SSH2: variants seen among roughly 807,000 people sequenced by gnomAD.
SSH2 encodes the protein protein phosphatase Slingshot homolog 2.
SSH2 carries 37 observed loss-of-function variants against 135.2 expected under a neutral mutation model. The ratio of observed to expected loss-of-function variants is 0.27; its 90% CI spans 0.21 to 0.36. The LOEUF is 0.36. Among genes scored for constraint, SSH2 ranks in the 10% least tolerant of loss-of-function variants. The pLI, the probability that SSH2 is intolerant of heterozygous loss-of-function variation, is 1.00. For missense variants in SSH2, 1,408 were observed against 1,765.3 expected, an observed-to-expected ratio of 0.80 and a Z score of 3.63; for synonymous variants, 628 against 646.2, an observed-to-expected ratio of 0.97 and a Z score of 0.43.
chr17:29,913,969 A>C (rs932678825), intron 1 of SSH2, among the ~76,000 whole-genome samples: 4 of 152,124 alleles, frequency 2.6e-5, no homozygotes, highest in African/African-American at 7.2e-5. Context: ...GTGGCAAGGC[A>C]ATATAAAACC....
At chr17:29,729,955 A>G (rs555645865) in intron 3 of SSH2, among the ~76,000 whole-genome samples, 1 of 152,302 alleles carries the variant, frequency 6.6e-6, no homozygotes, top group East Asian at 1.9e-4. Flanking sequence ...GACAGAATAA[A>G]TAAGATATAG....
At chr17:29,777,823 T>G (rs1209013582) in intron 3 of SSH2, 1 of 148,546 alleles carries the variant, frequency 6.7e-6, no homozygotes, top group African/African-American at 2.5e-5. Context: ...AAACCTGATC[T>G]GGACGGTCTT....
chr17:29,686,265 A>T (rs995241433), intron 5 of SSH2, among the ~76,000 whole-genome samples: 3 of 152,184 alleles, frequency 2.0e-5, no homozygotes, highest in Non-Finnish European at 2.9e-5. Context: ...AGTGCTGAGG[A>T]TTCAGTGGTA....
intron 1 of SSH2, among the ~76,000 whole-genome samples, chr17:29,860,038 G>C (rs1247794072): frequency 1.3e-5 from 2 of 152,032 alleles, no homozygotes; most frequent in Non-Finnish European, 2.9e-5. Flanking sequence ...AGTAGAGATA[G>C]GGTTTCACCA....
At chr17:29,692,151 T>A (rs1380175426) in intron 5 of SSH2, among the ~76,000 whole-genome samples, 13 of 117,272 alleles carry the variant, frequency 1.1e-4, no homozygotes, top group East Asian at 2.8e-4. Context: ...AAAAAATAAA[T>A]AAATAAATAA....
intron 2 of SSH2, among the ~76,000 whole-genome samples, chr17:29,845,244 TC>T (rs1404873431): frequency 6.6e-6 from 1 of 152,160 alleles, no homozygotes. Context: ...CCATACCACT[TC>T]CTTTGCAGAA....
At position 29,636,020 on chromosome 17, in the gene SSH2, C is replaced by A; in HGVS notation, c.2210G>T (p.Ser737Ile). Residue 737 changes from serine (S) to isoleucine (I), a missense_variant, in exon 15 of 16, where the codon AGT (serine) becomes ATT (isoleucine). By Grantham distance (142) the Ser-to-Ile change is moderately radical. This residue lies in a region of SSH2 where 1,080 missense variants were observed against 1,144.5 expected (regional missense o/e 0.94). Transcript: ENST00000540801. ...TADDQRSSSL[S>I]NTPHASEESS... Reference sequence around the variant, plus strand: ...TTCTTCTGATGCATGGGGAGTATTACTCAAAGAGCTGCTTCTCTGGTCATC... The same window carrying A: ...TTCTTCTGATGCATGGGGAGTATTAATCAAAGAGCTGCTTCTCTGGTCATC... 6.2e-7 allele frequency: 1 copy of A among 1,614,178 alleles called. No homozygotes were observed. The highest frequency in any genetic ancestry group is 8.5e-7 in the Non-Finnish European group (1 of 1,180,032).
chr17:29,928,857 T>C (rs1490482596), intron 1 of SSH2, among the ~76,000 whole-genome samples: 1 of 152,148 alleles, frequency 6.6e-6, no homozygotes, highest in African/African-American at 2.4e-5. Flanking sequence ...AAATACCTTT[T>C]TTTGCAACCT....
chr17:29,738,696 G>A (rs999187874), intron 3 of SSH2, among the ~76,000 whole-genome samples: 2 of 151,980 alleles, frequency 1.3e-5, no homozygotes, highest in African/African-American at 4.8e-5. Flanking sequence ...TGGGACTACA[G>A]GTGCCCGCCA....
At chr17:29,723,524 G>A (rs1397577771) in intron 3 of SSH2, among the ~76,000 whole-genome samples, 1 of 152,138 alleles carries the variant, frequency 6.6e-6, no homozygotes, top group East Asian at 1.9e-4. Flanking sequence ...TGGAAGATAA[G>A]AAAGTATGGA....
intron 11 of SSH2, among the ~76,000 whole-genome samples, chr17:29,657,500 C>T (rs973011575): frequency 6.6e-6 from 1 of 150,542 alleles, no homozygotes; most frequent in African/African-American, 2.4e-5. Context: ...AACTCCTGAC[C>T]TCAGGTGATC....
chr17:29,682,428 T>C (rs1487861716), intron 6 of SSH2, among the ~76,000 whole-genome samples: 1 of 152,232 alleles, frequency 6.6e-6, no homozygotes, highest in Non-Finnish European at 1.5e-5. Context: ...GGTTACTGAA[T>C]ACTTGAAATG....
chr17:29,649,669 C>G (rs2150998863), intron 13 of SSH2, among the ~76,000 whole-genome samples: 1 of 152,282 alleles, frequency 6.6e-6, no homozygotes, highest in African/African-American at 2.4e-5. Flanking sequence ...CTATCTTCAC[C>G]ACTTATTTGA....
rs143831941 is a variant in SSH2 at position 29,634,882 on chromosome 17, G to C, written c.2262+1086C>G. ...TTGATTCTTGAGTACCACAGCATTG[G>C]AGATGAAGAAGTCAGGTACATTATT... On this transcript the variant is annotated intron_variant, in intron 15 of 15. Coordinates refer to ENST00000540801, the MANE Select transcript of SSH2 (RefSeq NM_001282129.2). Among the ~76,000 whole-genome samples, 233 of 151,824 alleles carry C rather than the reference G, an allele frequency of 1.5e-3. 1 individual carries two copies. Among genetic ancestry groups the C allele is most frequent in the African/African-American group, 5.4e-3 (223 of 41,372 alleles).
chr17:29,874,164 G>A (rs1332562966), intron 1 of SSH2, among the ~76,000 whole-genome samples: 2 of 151,796 alleles, frequency 1.3e-5, no homozygotes, highest in Admixed American at 6.6e-5. Context: ...ATGGTGGTGC[G>A]TGCCTGCAGT....
At chr17:29,833,966 C>T (rs528911551) in intron 2 of SSH2, among the ~76,000 whole-genome samples, 4 of 144,376 alleles carry the variant, frequency 2.8e-5, no homozygotes, top group African/African-American at 1.0e-4. Flanking sequence ...CCTACCCTCC[C>T]TTTTTTGAAA....
chr17:29,762,089 C>T (rs1387912776), intron 3 of SSH2, among the ~76,000 whole-genome samples: 1 of 151,992 alleles, frequency 6.6e-6, no homozygotes, highest in Non-Finnish European at 1.5e-5. Flanking sequence ...ATGTGTTGGC[C>T]AGGCTGGTCT....
chr17:29,891,168 C>G (rs566216634), intron 1 of SSH2, among the ~76,000 whole-genome samples: 7 of 152,302 alleles, frequency 4.6e-5, no homozygotes, highest in Admixed American at 2.0e-4. Flanking sequence ...CAGCCTGGAT[C>G]AGGCCTAATC....
chr17:29,748,903 T>G (rs2040842810), intron 3 of SSH2, among the ~76,000 whole-genome samples: 1 of 152,156 alleles, frequency 6.6e-6, no homozygotes, highest in African/African-American at 2.4e-5. Context: ...ACCTTAAATA[T>G]TTGTAAACCA....
Sources: gnomAD v4.1 joint callset for allele counts (sites outside exome capture counted in the v4.1 genomes callset) on GRCh38, gnomAD v4.1.1 for gene constraint, gnomAD v4.1.1 regional missense constraint, MANE v1.5 for transcripts, NCBI Gene and HGNC (gene_info 2026-07-23, HGNC 2026-07-21) for gene names.